The following COMMD10 variants were observed in gnomAD, a reference collection of about 807,000 sequenced individuals.
The protein encoded by COMMD10 is COMM domain containing 10.
COMMD10 carries 33 observed loss-of-function variants against 28.9 expected under a neutral mutation model. The ratio of observed to expected loss-of-function variants is 1.14; its 90% CI spans 0.87 to 1.53. COMMD10 has a LOEUF of 1.53. Ranked by LOEUF, COMMD10 falls within the 40% of genes most tolerant of loss-of-function variation. The pLI is 0.00. For synonymous variants in COMMD10, 110 were observed against 81.7 expected (o/e 1.35, Z -1.87); for missense variants, 310 against 233.4 (o/e 1.33, Z -2.14).
Position 116,185,780 on chromosome 5 carries a change from T to A in COMMD10, c.510+51602T>A, listed in dbSNP as rs1309383105. Reference sequence around the variant, plus strand: ...AATAACAAATACATCTTGCCTCTGATTGCTTCCTCCTCTGACTACATTGAG... The same window carrying A: ...AATAACAAATACATCTTGCCTCTGAATGCTTCCTCCTCTGACTACATTGAG... On this transcript the variant is annotated intron_variant, in intron 5 of 6. Coordinates refer to ENST00000274458, the MANE Select transcript of COMMD10 (RefSeq NM_016144.4). 2.0e-5 allele frequency among the ~76,000 whole-genome samples: 3 copies of A among 152,262 alleles called. No homozygotes were observed. In the East Asian group the frequency reaches 5.8e-4, roughly 29 times the overall value.
chr5:116,114,246 A>G (rs1240850422), intron 4 of COMMD10, among the ~76,000 whole-genome samples: 1 of 151,718 alleles, frequency 6.6e-6, no homozygotes, highest in East Asian at 1.9e-4. Context: ...CAGGCTGATT[A>G]TTGGGGGCTC....
chr5:116,116,301 T>C (rs1185745764), intron 4 of COMMD10, among the ~76,000 whole-genome samples: 2 of 152,326 alleles, frequency 1.3e-5, no homozygotes, highest in Admixed American at 6.5e-5. Context: ...TAAAAACTTA[T>C]GTTCTCTTGT....
intron 5 of COMMD10, among the ~76,000 whole-genome samples, chr5:116,206,832 A>G (rs1490675949): frequency 6.6e-6 from 1 of 152,214 alleles, no homozygotes; most frequent in Non-Finnish European, 1.5e-5. Flanking sequence ...AATATATTCC[A>G]GCCAGTGTGG....
chr5:116,104,905 C>T (rs1036870256), intron 4 of COMMD10, among the ~76,000 whole-genome samples: 1 of 152,210 alleles, frequency 6.6e-6, no homozygotes, highest in African/African-American at 2.4e-5. Flanking sequence ...AGGCGTGAGC[C>T]ACCGCACCCA....
In COMMD10 at chr5:116,204,029, TA is replaced by T. The variant is rs557224485; in HGVS notation, c.510+69855del. Among the ~76,000 whole-genome samples, 1,088 of 151,912 alleles carry T rather than the reference TA, an allele frequency of 7.2e-3. 17 individuals are homozygous for T. Among genetic ancestry groups the T allele is most frequent in the African/African-American group, 0.025 (1,043 of 41,392 alleles). On this transcript the variant is annotated intron_variant, in intron 5 of 6. Coordinates refer to ENST00000274458, the MANE Select transcript of COMMD10 (RefSeq NM_016144.4). ...TGCAGAGACACACATAGGCTCAAAATAAAAGGATGGAGGAAGATCTCCCAAG... is the reference window on the plus strand; with the variant it reads ...TGCAGAGACACACATAGGCTCAAAATAAAGGATGGAGGAAGATCTCCCAAG...
At chr5:116,163,787 C>T (rs947450819) in intron 5 of COMMD10, among the ~76,000 whole-genome samples, 19 of 151,996 alleles carry the variant, frequency 1.3e-4, no homozygotes, top group African/African-American at 4.1e-4. Flanking sequence ...ACTTTCTATG[C>T]TTTTGAGTAA....
intron 5 of COMMD10, among the ~76,000 whole-genome samples, chr5:116,171,581 A>G (rs918102077): frequency 6.6e-6 from 1 of 152,210 alleles, no homozygotes; most frequent in Non-Finnish European, 1.5e-5. Context: ...ACCAACCCAA[A>G]TGCCCATCAA....
chr5:116,261,168 A>G (rs548458702), intron 5 of COMMD10, among the ~76,000 whole-genome samples: 12 of 151,912 alleles, frequency 7.9e-5, no homozygotes, highest in African/African-American at 2.9e-4. Context: ...AACTAATTAA[A>G]TTTCTCAGTA....
intron 5 of COMMD10, among the ~76,000 whole-genome samples, chr5:116,206,524 C>T (rs113993594): frequency 0.015 from 2,302 of 151,960 alleles, 61 homozygotes; most frequent in African/African-American, 0.052. Flanking sequence ...TGGTGGTGCA[C>T]GCCTGTAATC....
At chr5:116,281,624 G>A (rs2112708655) in intron 5 of COMMD10, among the ~76,000 whole-genome samples, 1 of 151,738 alleles carries the variant, frequency 6.6e-6, no homozygotes, top group South Asian at 2.1e-4. Flanking sequence ...AAGAGAGAAA[G>A]TCTTCCAGTT....
chr5:116,284,326 A>ATGTGTGTGTGTATGTATGTG lies in COMMD10; in HGVS notation c.511-7177_511-7158dup, dbSNP rs1554061216. On this transcript the variant is annotated intron_variant, in intron 5 of 6. Transcript: ENST00000274458. The stretch of plus-strand genomic sequence containing the variant: ...CGCACAGTATCATCTAAAGGATTGT[A>ATGTGTGTGTGTATGTATGTG]TGTGTGTGTGTATGTATGTGTGTGT... 1.4e-5 allele frequency among the ~76,000 whole-genome samples: 2 copies of ATGTGTGTGTGTATGTATGTG among 146,604 alleles called. 1 individual carries two copies. Among genetic ancestry groups the ATGTGTGTGTGTATGTATGTG allele is most frequent in the African/African-American group, 5.4e-5 (2 of 37,294 alleles).
At chr5:116,089,172 T>C (rs1268129194) in intron 2 of COMMD10, among the ~76,000 whole-genome samples, 1 of 152,250 alleles carries the variant, frequency 6.6e-6, no homozygotes, top group Non-Finnish European at 1.5e-5. Flanking sequence ...GTGGTGCTAA[T>C]GGCTTTGTGT....
intron 5 of COMMD10, among the ~76,000 whole-genome samples, chr5:116,242,494 T>G (rs1013221301): frequency 3.3e-5 from 5 of 152,184 alleles, no homozygotes; most frequent in African/African-American, 9.7e-5. Context: ...ATCATCATCT[T>G]ACAGGAAAGA....
chr5:116,204,620 C>T (rs1242504005), intron 5 of COMMD10, among the ~76,000 whole-genome samples: 1 of 152,052 alleles, frequency 6.6e-6, no homozygotes, highest in Non-Finnish European at 1.5e-5. Context: ...TTTGAATTTA[C>T]AGAATATGTT....
chr5:116,179,573 A>G (rs1218120306), intron 5 of COMMD10, among the ~76,000 whole-genome samples: 1 of 152,136 alleles, frequency 6.6e-6, no homozygotes, highest in Non-Finnish European at 1.5e-5. Context: ...AGGAAGCTTA[A>G]AAGACCTGGC....
intron 5 of COMMD10, among the ~76,000 whole-genome samples, chr5:116,259,461 C>G (rs2112684014): frequency 6.6e-6 from 1 of 151,448 alleles, no homozygotes; most frequent in Admixed American, 6.6e-5. Context: ...GTTTCTTTTA[C>G]TCTGCTGAGT....
At chr5:116,238,663 T>C (rs6594960) in intron 5 of COMMD10, among the ~76,000 whole-genome samples, 148,965 of 152,246 alleles carry the variant, frequency 0.98, 72,963 homozygotes, top group East Asian at 1. Flanking sequence ...TTTAACAACA[T>C]CAATTCTACT....
chr5:116,152,126 T>C (rs2112553784), intron 5 of COMMD10, among the ~76,000 whole-genome samples: 1 of 152,326 alleles, frequency 6.6e-6, no homozygotes, highest in Non-Finnish European at 1.5e-5. Flanking sequence ...CCAGTAGTCA[T>C]TCAGGAGCAA....
intron 5 of COMMD10, among the ~76,000 whole-genome samples, chr5:116,272,745 G>T (rs1334661776): frequency 1.3e-5 from 2 of 151,850 alleles, no homozygotes; most frequent in African/African-American, 2.4e-5. Context: ...TCTGGGTGTT[G>T]TAAGAGTTTT....
Sources: allele counts gnomAD v4.1 joint callset (sites outside exome capture counted in the v4.1 genomes callset), GRCh38; gene constraint gnomAD v4.1.1; transcripts MANE v1.5; gene names NCBI Gene and HGNC (gene_info 2026-07-23, HGNC 2026-07-21).